ADRA1A: variants seen among roughly 807,000 people sequenced by gnomAD.
ADRA1A encodes the protein adrenoceptor alpha 1A, also known as alpha-1A adrenergic receptor.
In ADRA1A, 31 loss-of-function variants were observed where a neutral mutation model predicts 29.6. The observed-to-expected ratio is 1.05, with a 90% CI of 0.79 to 1.41. The LOEUF is 1.41. ADRA1A is among the 40% of genes most tolerant of loss of function. The pLI is 0.00. For synonymous variants in ADRA1A, 311 were observed against 254.3 expected (o/e 1.22, Z -2.12); for missense variants, 619 against 601.1 (o/e 1.03, Z -0.31).
rs1809666821 is a variant in ADRA1A, at chr8:26,815,075, C to T, written c.884-44409G>A. Among the ~76,000 whole-genome samples, 2 of 152,072 alleles carry T rather than the reference C, an allele frequency of 1.3e-5. No individual in the cohort carries two copies. Among genetic ancestry groups the T allele is most frequent in the South Asian group, 2.1e-4 (1 of 4,818 alleles). On this transcript the variant is annotated intron_variant, in intron 2 of 2. Transcript: ENST00000380573. This position sits in a 1 kb window ranked among gnomAD's most constrained non-coding sequence, Gnocchi z 4.2. ...AACTCACTGTAGTAATTTAGAAAAA[C>T]ATGTTTTATTTCTTTTATTGGTCAA...
chr8:26,842,171 A>G (rs987032216), intron 2 of ADRA1A, among the ~76,000 whole-genome samples: 2 of 152,222 alleles, frequency 1.3e-5, no homozygotes, highest in Non-Finnish European at 2.9e-5. Flanking sequence ...TGTTGAATGC[A>G]GTGGACATTA....
At chr8:26,837,609 C>T (rs1332736760) in intron 2 of ADRA1A, among the ~76,000 whole-genome samples, 2 of 148,982 alleles carry the variant, frequency 1.3e-5, no homozygotes, top group African/African-American at 5.0e-5. Flanking sequence ...CAAGATGGCA[C>T]CATTGCACTC....
In ADRA1A at chr8:26,864,777, T is replaced by C. The variant is rs768150925; in HGVS notation, c.193A>G (p.Ile65Val). The C allele has an allele frequency of 3.5e-5, 57 of 1,613,668 alleles. No individual in the cohort carries two copies. The Middle Eastern group carries it at 4.9e-4, about 14-fold the overall frequency. Residue 65 changes from isoleucine (I) to valine (V), a missense_variant, in exon 2 of 3, where the codon ATC becomes GTC. Transcript: ENST00000380573. This position sits in a 1 kb window ranked among gnomAD's most constrained non-coding sequence, Gnocchi z 8.1. ...AGGTCGGCCACCGCCAGGTTGACGA[T>C]GTAGTAGTGCGTGACTGAGTGCAGG... is the stretch of plus-strand genomic sequence containing the variant. ...RHLHSVTHYYIVNLAVADLLL... is the reference protein window; with the variant it reads ...RHLHSVTHYYVVNLAVADLLL...
chr8:26,853,526 G>A (rs549861919), intron 2 of ADRA1A, among the ~76,000 whole-genome samples: 40 of 152,298 alleles, frequency 2.6e-4, no homozygotes, highest in African/African-American at 9.6e-4. Flanking sequence ...TACTAGAGCA[G>A]AGAGACAGAT....
At chr8:26,832,232 C>A (rs1285012441) in intron 2 of ADRA1A, among the ~76,000 whole-genome samples, 1 of 152,212 alleles carries the variant, frequency 6.6e-6, no homozygotes, top group Non-Finnish European at 1.5e-5. Flanking sequence ...TGCTCTCCTG[C>A]CTTGCTGGTG....
downstream of ADRA1A, among the ~76,000 whole-genome samples, chr8:26,764,555 A>T (rs1384180879): frequency 6.6e-6 from 1 of 152,182 alleles, no homozygotes; most frequent in Admixed American, 6.5e-5. Context: ...GGAAACATGG[A>T]GGTGTCATGG....
chr8:26,749,617 CA>C (rs1386281172), intron 2 of ADRA1A, among the ~76,000 whole-genome samples: 13 of 152,080 alleles, frequency 8.5e-5, no homozygotes, highest in Admixed American at 8.5e-4. Flanking sequence ...AATTTATATC[CA>C]CATATGGCAT....
At chr8:26,826,908 A>G (rs963067145) in intron 2 of ADRA1A, among the ~76,000 whole-genome samples, 1 of 152,234 alleles carries the variant, frequency 6.6e-6, no homozygotes, top group Admixed American at 6.5e-5. Flanking sequence ...GTCAATTACT[A>G]TAGCATTCTT....
At chr8:26,824,294 G>A (rs1810388181) in intron 2 of ADRA1A, among the ~76,000 whole-genome samples, 1 of 151,922 alleles carries the variant, frequency 6.6e-6, no homozygotes, top group Admixed American at 6.6e-5. Context: ...GGTCTATCTA[G>A]TAAGCAAAAA....
chr8:26,795,086 T>C lies in ADRA1A; in HGVS notation c.884-24420A>G, dbSNP rs114414011. Among the ~76,000 whole-genome samples, 558 of 152,238 alleles carry C rather than the reference T, an allele frequency of 3.7e-3. 2 individuals carry two copies. Among genetic ancestry groups the C allele is most frequent in the African/African-American group, 0.013 (533 of 41,556 alleles). ...CAGTTGCAATGAATATTCCATTAGA[T>C]TGTGTCCTTCAAACACCATCTCCTA... On this transcript the variant is annotated intron_variant, in intron 2 of 2. Transcript: ENST00000380573.
intron 2 of ADRA1A, among the ~76,000 whole-genome samples, chr8:26,836,655 A>AT (rs1235234350): frequency 6.6e-6 from 1 of 152,224 alleles, no homozygotes; most frequent in Non-Finnish European, 1.5e-5. Flanking sequence ...AACCAAAGTG[A>AT]TATTGTTGGT....
intron 2 of ADRA1A, among the ~76,000 whole-genome samples, chr8:26,857,230 A>T (rs1317025096): frequency 1.3e-5 from 2 of 152,162 alleles, no homozygotes; most frequent in Non-Finnish European, 2.9e-5. Flanking sequence ...ACTCACAGCC[A>T]GCTTCAATTG....
In ADRA1A at chr8:26,860,975, C is replaced by T. The variant is rs1250284296; in HGVS notation, c.883+3112G>A. ...AGAAGAGTTGTCTATTTTCCCTGTT[C>T]CCACTTTTTTTATCCTTTGTTCTTT... On this transcript the variant is annotated intron_variant, in intron 2 of 2. Coordinates refer to ENST00000380573, the MANE Select transcript of ADRA1A (RefSeq NM_000680.4). The surrounding 1 kb of genome is among the most constrained non-coding windows in gnomAD (Gnocchi z 4.7). Among the ~76,000 whole-genome samples the T allele has an allele frequency of 6.6e-6, 1 of 152,198 alleles. No homozygotes were observed. The highest frequency in any genetic ancestry group is 1.5e-5 in the Non-Finnish European group (1 of 68,038).
At chr8:26,755,485 A>G (rs963286008), downstream of ADRA1A, among the ~76,000 whole-genome samples, 1 of 152,090 alleles carries the variant, frequency 6.6e-6, no homozygotes, top group Non-Finnish European at 1.5e-5. Flanking sequence ...AGCGAGACTG[A>G]CTTCCCTGTG....
chr8:26,847,426 T>C (rs1190109863), intron 2 of ADRA1A, among the ~76,000 whole-genome samples: 1 of 152,136 alleles, frequency 6.6e-6, no homozygotes, highest in Non-Finnish European at 1.5e-5. Flanking sequence ...TAAAAACCCA[T>C]TTCTGAGATT....
intron 2 of ADRA1A, among the ~76,000 whole-genome samples, chr8:26,852,737 A>G (rs1216330772): frequency 6.6e-6 from 1 of 152,208 alleles, no homozygotes; most frequent in Non-Finnish European, 1.5e-5. Context: ...CAAACCTTCA[A>G]GGAACACATA....
chr8:26,798,492 T>C (rs975131314), intron 2 of ADRA1A, among the ~76,000 whole-genome samples: 1 of 152,220 alleles, frequency 6.6e-6, no homozygotes, highest in African/African-American at 2.4e-5. Context: ...ACCTACCTCC[T>C]GCTTATTCTC....
At position 26,770,730 on chromosome 8, in the gene ADRA1A, A is replaced by C. The variant is rs1806086579; in HGVS notation, c.884-64T>G. 2.0e-6 allele frequency: 3 copies of C among 1,515,566 alleles called. No homozygotes were observed. In the East Asian group the frequency reaches 6.8e-5, roughly 34 times the overall value. 93.9% of individuals were successfully genotyped at this position (1,515,566 alleles called of 1,614,324 possible). A position where few individuals can be genotyped will look rare whatever the true frequency, so the allele number is the denominator to read the frequency against. Reference sequence around the variant, plus strand: ...AGCCAGCAAGCCAATTGGCTAGGAAAACAATCAAACAGACATCTTTCTGTA... The same window carrying C: ...AGCCAGCAAGCCAATTGGCTAGGAACACAATCAAACAGACATCTTTCTGTA... On this transcript the variant is annotated intron_variant, in intron 2 of 2. Coordinates refer to ENST00000380573, the MANE Select transcript of ADRA1A (RefSeq NM_000680.4).
downstream of ADRA1A, among the ~76,000 whole-genome samples, chr8:26,762,235 C>G (rs1805545853): frequency 6.6e-6 from 1 of 152,158 alleles, no homozygotes; most frequent in Non-Finnish European, 1.5e-5. The surrounding 1 kb of genome is among the most constrained non-coding windows in gnomAD (Gnocchi z 4.0). Context: ...ACCACCAGCT[C>G]TTTTCCAAAA....
Sources: allele counts gnomAD v4.1 joint callset (sites outside exome capture counted in the v4.1 genomes callset), GRCh38; gene constraint gnomAD v4.1.1; non-coding constraint Gnocchi (gnomAD v3.1); transcripts MANE v1.5; gene names NCBI Gene and HGNC (gene_info 2026-07-23, HGNC 2026-07-21).